Variants in FNDC3A observed in about 807,000 individuals in gnomAD.
The protein encoded by FNDC3A is fibronectin type-III domain-containing protein 3A.
Under a neutral mutation model 148.9 loss-of-function variants are expected in FNDC3A, and 32 were observed. That is an observed-to-expected ratio of 0.21 (90% CI 0.16 to 0.29). The LOEUF is 0.29. FNDC3A is among the 10% of genes least tolerant of loss of function. The pLI, the probability that FNDC3A is intolerant of heterozygous loss-of-function variation, is 1.00. For missense variants in FNDC3A, 1,191 were observed against 1,452.8 expected, an observed-to-expected ratio of 0.82 and a Z score of 2.93; for synonymous variants, 472 against 473.6, an observed-to-expected ratio of 1.00 and a Z score of 0.04.
At chr13:49,140,737 G>T (rs1326606788) in intron 7 of FNDC3A, among the ~76,000 whole-genome samples, 2 of 152,194 alleles carry the variant, frequency 1.3e-5, no homozygotes, top group Non-Finnish European at 2.9e-5. Flanking sequence ...ATAGACACGG[G>T]CTCTGCCACA....
At chr13:49,041,378 A>T (rs1018157020) in intron 2 of FNDC3A, among the ~76,000 whole-genome samples, 1 of 152,174 alleles carries the variant, frequency 6.6e-6, no homozygotes, top group African/African-American at 2.4e-5. Context: ...TATTTTGTTT[A>T]CTACTCTATC....
At position 49,178,502 on chromosome 13, in the gene FNDC3A, T is replaced by G. The variant is rs1365614042; in HGVS notation, c.1531-66T>G. ...GAAGAGAAACCCGGGTCTTTTCACATATTCATTATTGCCCATATTTCTATT... is the reference window on the plus strand; with the variant it reads ...GAAGAGAAACCCGGGTCTTTTCACAGATTCATTATTGCCCATATTTCTATT... On this transcript the variant is annotated intron_variant, in intron 13 of 25. Coordinates refer to ENST00000492622, the MANE Select transcript of FNDC3A (RefSeq NM_001079673.2). 7 of 971,042 alleles carry G rather than the reference T, an allele frequency of 7.2e-6. No homozygotes were observed. In the Admixed American group the frequency reaches 1.4e-4, roughly 19 times the overall value. The allele number at this position is 971,042 out of a possible 1,614,324, so 60.2% of individuals were successfully genotyped here.
At chr13:49,205,431 T>C (rs930801949) in intron 25 of FNDC3A, among the ~76,000 whole-genome samples, 3 of 152,228 alleles carry the variant, frequency 2.0e-5, no homozygotes, top group African/African-American at 7.2e-5. Context: ...GTGAATCCTT[T>C]TACAGGTTGA....
chr13:49,106,417 A>G (rs1285045257), intron 3 of FNDC3A, among the ~76,000 whole-genome samples: 1 of 152,154 alleles, frequency 6.6e-6, no homozygotes, highest in African/African-American at 2.4e-5. Context: ...GGCTCAAGCA[A>G]GATTCCCGCC....
intron 6 of FNDC3A, 46 bp downstream of exon 6, chr13:49,136,647 T>C: frequency 6.4e-7 from 1 of 1,550,838 alleles, no homozygotes; most frequent in Non-Finnish European, 8.8e-7. Flanking sequence ...GCTATTCTCG[T>C]GATTTAACCT....
rs143582787 is a variant in FNDC3A, at chr13:49,201,934, C to G, written c.3122C>G (p.Thr1041Ser). Residue 1041 changes from threonine to serine, a missense_variant, in exon 24 of 26, where the codon ACT becomes AGT. By Grantham distance (58) the Thr-to-Ser change is moderately conservative (BLOSUM62 1). Transcript: ENST00000492622. ...CCCCTCTCCCAAGAATATATTTTCA[C>G]TACTCCAAAATCTGTCCCAGCTGCC... ...EGPLSQEYIF[T>S]TPKSVPAALK... is the part of the protein sequence containing the mutation. 23 of 1,586,828 alleles carry G rather than the reference C, an allele frequency of 1.4e-5. No homozygotes were observed. The highest frequency in any genetic ancestry group is 1.8e-5 in the Non-Finnish European group (21 of 1,167,894).
At chr13:49,011,939 T>C (rs867016662) in intron 2 of FNDC3A, among the ~76,000 whole-genome samples, 21 of 152,218 alleles carry the variant, frequency 1.4e-4, no homozygotes, top group African/African-American at 4.6e-4. Flanking sequence ...TTGTGAACTG[T>C]ATCAAGCATA....
intron 2 of FNDC3A, among the ~76,000 whole-genome samples, chr13:49,034,017 A>G (rs1874319096): frequency 6.6e-6 from 1 of 152,044 alleles, no homozygotes; most frequent in Admixed American, 6.5e-5. Flanking sequence ...TTATTTATAA[A>G]TGAAGTTATT....
At position 48,977,952 on chromosome 13, in the gene FNDC3A, C is replaced by T. The variant is rs540603297; in HGVS notation, c.-40+1775C>T. On this transcript the variant is annotated intron_variant, in intron 1 of 25. Coordinates refer to ENST00000492622, the MANE Select transcript of FNDC3A (RefSeq NM_001079673.2). ...CTGTATGCTTCTGAATTAACTCCCT[C>T]TTTTTCCCTTTTGTCTGAATCCTCC... Among the ~76,000 whole-genome samples the T allele has an allele frequency of 2.0e-5, 3 of 152,250 alleles. No individual in the cohort carries two copies. In the East Asian group the frequency reaches 5.8e-4, roughly 29 times the overall value.
At chr13:49,071,080 T>TG (rs35319433) in intron 2 of FNDC3A, among the ~76,000 whole-genome samples, 5 of 119,132 alleles carry the variant, frequency 4.2e-5, no homozygotes, top group Admixed American at 8.6e-5. Context: ...TTTTTTTTTT[T>TG]GTAGAGATGA....
At chr13:49,087,221 A>G (rs1878873926) in intron 3 of FNDC3A, among the ~76,000 whole-genome samples, 1 of 152,154 alleles carries the variant, frequency 6.6e-6, no homozygotes, top group African/African-American at 2.4e-5. Context: ...ATATTGATTA[A>G]AAAAATTTTT....
intron 3 of FNDC3A, among the ~76,000 whole-genome samples, chr13:49,088,935 A>G (rs190800766): frequency 6.6e-6 from 1 of 152,348 alleles, no homozygotes; most frequent in African/African-American, 2.4e-5. Context: ...AATCAGTCAC[A>G]AAAAGATAAA....
At chr13:49,025,973 C>T (rs560531352) in intron 2 of FNDC3A, among the ~76,000 whole-genome samples, 1 of 152,174 alleles carries the variant, frequency 6.6e-6, no homozygotes, top group Non-Finnish European at 1.5e-5. Flanking sequence ...ATGTGCAAAA[C>T]TATTCTCTGC....
intron 3 of FNDC3A, among the ~76,000 whole-genome samples, chr13:49,077,990 G>T (rs1382403870): frequency 6.6e-6 from 1 of 152,094 alleles, no homozygotes. Context: ...GTACTTCATA[G>T]AGTGTAAGTT....
chr13:49,110,345 C>T (rs1389632236), intron 3 of FNDC3A: 4 of 1,605,502 alleles, frequency 2.5e-6, no homozygotes, highest in African/African-American at 2.7e-5. Context: ...TTAACGTGTA[C>T]TACGCTGTTT....
intron 3 of FNDC3A, among the ~76,000 whole-genome samples, chr13:49,084,054 T>C (rs1878652341): frequency 6.6e-6 from 1 of 152,224 alleles, no homozygotes; most frequent in African/African-American, 2.4e-5. Flanking sequence ...TTATTGCTCA[T>C]GGTAGACCTA....
chr13:48,981,469 A>G (rs1175782872), intron 1 of FNDC3A, among the ~76,000 whole-genome samples: 1 of 152,038 alleles, frequency 6.6e-6, no homozygotes, highest in African/African-American at 2.4e-5. Flanking sequence ...CTATATTGGA[A>G]GCAATGCAGC....
chr13:49,168,557 T>C lies in FNDC3A; in HGVS notation c.1038-56T>C, dbSNP rs988119515. On this transcript the variant is annotated intron_variant, in intron 9 of 25. Coordinates refer to ENST00000492622, the MANE Select transcript of FNDC3A (RefSeq NM_001079673.2). Reference sequence around the variant, plus strand: ...CTGCAAGTACTTAAAGGTGACACTATTGAAAACAGGATACAGTGATTATGA... The same window carrying C: ...CTGCAAGTACTTAAAGGTGACACTACTGAAAACAGGATACAGTGATTATGA... 7.2e-6 allele frequency: 10 copies of C among 1,389,334 alleles called. No individual in the cohort carries two copies. In the South Asian group the frequency reaches 9.3e-5, roughly 13 times the overall value. 86.1% of individuals were successfully genotyped at this position (1,389,334 alleles called of 1,614,324 possible).
At chr13:49,174,404 A>G (rs759307459) in intron 11 of FNDC3A, 31 bp from the exon 12 acceptor site, 2 of 1,578,058 alleles carry the variant, frequency 1.3e-6, no homozygotes, top group South Asian at 2.2e-5. Context: ...AGTAATGTAC[A>G]TGGTATATAA....
Sources: allele counts gnomAD v4.1 joint callset (sites outside exome capture counted in the v4.1 genomes callset), GRCh38; gene constraint gnomAD v4.1.1; transcripts MANE v1.5; gene names NCBI Gene and HGNC (gene_info 2026-07-23, HGNC 2026-07-21).